Variants in SLC35F1 observed in about 807,000 individuals in gnomAD.
SLC35F1 encodes the protein solute carrier family 35 member F1.
In SLC35F1, 14 loss-of-function variants were observed where a neutral mutation model predicts 48.7. That is an observed-to-expected ratio of 0.29 (90% CI 0.19 to 0.45). The LOEUF (loss-of-function observed/expected upper bound fraction) is 0.45, where lower values mean the gene tolerates loss of function less well. SLC35F1 is among the 20% of genes least tolerant of loss of function. The pLI, the probability that SLC35F1 is intolerant of heterozygous loss-of-function variation, is 1.00. For missense variants in SLC35F1, 404 were observed against 500.0 expected (o/e 0.81, Z 1.83); for synonymous variants, 190 against 202.2 (o/e 0.94, Z 0.51).
At chr6:118,120,407 T>C (rs1479199579) in intron 1 of SLC35F1, among the ~76,000 whole-genome samples, 1 of 152,202 alleles carries the variant, frequency 6.6e-6, no homozygotes, top group Non-Finnish European at 1.5e-5. Flanking sequence ...TAGAAATACA[T>C]GTTGATGCAT....
intron 1 of SLC35F1, among the ~76,000 whole-genome samples, chr6:118,005,787 C>T (rs552156641): frequency 1.3e-5 from 2 of 152,242 alleles, no homozygotes; most frequent in East Asian, 1.9e-4. Flanking sequence ...CCTGACCCAC[C>T]GTCTGATACA....
At chr6:117,944,969 C>G (rs1326884103) in intron 1 of SLC35F1, among the ~76,000 whole-genome samples, 1 of 152,126 alleles carries the variant, frequency 6.6e-6, no homozygotes, top group African/African-American at 2.4e-5. Flanking sequence ...AACTGAGTGC[C>G]TGCTCTGTGC....
At chr6:118,201,987 T>G (rs1774878849) in intron 2 of SLC35F1, among the ~76,000 whole-genome samples, 1 of 152,250 alleles carries the variant, frequency 6.6e-6, no homozygotes, top group Non-Finnish European at 1.5e-5. Context: ...TATGGATATA[T>G]CCTATTGCAT....
chr6:117,911,672 C>T (rs1187354963), intron 1 of SLC35F1, among the ~76,000 whole-genome samples: 1 of 151,966 alleles, frequency 6.6e-6, no homozygotes, highest in Non-Finnish European at 1.5e-5. Context: ...CCTCAAACTC[C>T]AGGCCTCAAG....
At chr6:118,061,324 G>A (rs1204839831) in intron 1 of SLC35F1, among the ~76,000 whole-genome samples, 1 of 152,152 alleles carries the variant, frequency 6.6e-6, no homozygotes, top group Non-Finnish European at 1.5e-5. Context: ...CCTTCTGTTG[G>A]TTAGTTTTAG....
intron 1 of SLC35F1, among the ~76,000 whole-genome samples, chr6:118,048,819 C>G (rs1456817571): frequency 6.6e-6 from 1 of 152,156 alleles, no homozygotes; most frequent in African/African-American, 2.4e-5. Context: ...ATGCCATCCC[C>G]ATCAAGCTAC....
At chr6:117,951,801 C>G (rs1040740555) in intron 1 of SLC35F1, among the ~76,000 whole-genome samples, 1 of 152,142 alleles carries the variant, frequency 6.6e-6, no homozygotes, top group Non-Finnish European at 1.5e-5. Context: ...CTTTGCCAAA[C>G]AATGTCAATG....
intron 1 of SLC35F1, among the ~76,000 whole-genome samples, chr6:118,041,751 C>T (rs989160250): frequency 4.6e-5 from 7 of 152,060 alleles, no homozygotes; most frequent in African/African-American, 9.7e-5. Context: ...AATGGAAAAA[C>T]GCCCTGAGGC....
intron 2 of SLC35F1, among the ~76,000 whole-genome samples, chr6:118,234,371 C>A (rs547410414): frequency 1.7e-4 from 26 of 152,310 alleles, no homozygotes; most frequent in African/African-American, 4.8e-4. Flanking sequence ...TTCTCTCTCT[C>A]TCTCATTGTT....
chr6:118,308,402 C>T (rs1161847482), intron 7 of SLC35F1, among the ~76,000 whole-genome samples: 1 of 152,176 alleles, frequency 6.6e-6, no homozygotes, highest in Non-Finnish European at 1.5e-5. Flanking sequence ...GAATAATGTG[C>T]CTGTTGAAAT....
chr6:118,207,598 G>T (rs1291578702), intron 2 of SLC35F1, among the ~76,000 whole-genome samples: 2 of 152,170 alleles, frequency 1.3e-5, no homozygotes, highest in Non-Finnish European at 2.9e-5. Flanking sequence ...GTGCAGGGAT[G>T]GGGAGAGAAG....
chr6:117,917,832 T>G (rs530022609), intron 1 of SLC35F1, among the ~76,000 whole-genome samples: 36 of 151,272 alleles, frequency 2.4e-4, no homozygotes, highest in Admixed American at 2.0e-3. Flanking sequence ...CATGTGTAGA[T>G]AGAGAGAAAG....
At chr6:117,959,041 T>G (rs944947872) in intron 1 of SLC35F1, among the ~76,000 whole-genome samples, 7 of 152,192 alleles carry the variant, frequency 4.6e-5, no homozygotes, top group African/African-American at 1.7e-4. Flanking sequence ...TTGGTTTAGA[T>G]TCCAACTTCC....
chr6:118,022,378 G>A lies in SLC35F1; in HGVS notation c.173+114479G>A, dbSNP rs116243946. Among the ~76,000 whole-genome samples, 812 of 152,230 alleles carry A rather than the reference G, an allele frequency of 5.3e-3. 7 individuals carry two copies. Among genetic ancestry groups the A allele is most frequent in the African/African-American group, 0.018 (762 of 41,538 alleles). On this transcript the variant is annotated intron_variant, in intron 1 of 7. Coordinates refer to ENST00000360388, the MANE Select transcript of SLC35F1 (RefSeq NM_001029858.4). Reference sequence around the variant, plus strand: ...AATCAATATTAAGATGGTAAAACTCGGAAATGGATTTGATGTAGGGAAGGG... The same window carrying A: ...AATCAATATTAAGATGGTAAAACTCAGAAATGGATTTGATGTAGGGAAGGG...
At chr6:118,149,396 G>T (rs1226598701) in intron 1 of SLC35F1, among the ~76,000 whole-genome samples, 2 of 152,208 alleles carry the variant, frequency 1.3e-5, no homozygotes, top group African/African-American at 2.4e-5. Flanking sequence ...TCGCCAAATG[G>T]ATTTGTCCTG....
chr6:118,095,357 C>A (rs1392256579), intron 1 of SLC35F1, among the ~76,000 whole-genome samples: 4 of 152,166 alleles, frequency 2.6e-5, no homozygotes, highest in Non-Finnish European at 4.4e-5. Flanking sequence ...AGGCGTGTAA[C>A]CTCAGGCACA....
intron 4 of SLC35F1, among the ~76,000 whole-genome samples, chr6:118,273,573 T>C (rs1429725173): frequency 6.6e-6 from 1 of 152,194 alleles, no homozygotes; most frequent in East Asian, 1.9e-4. Flanking sequence ...TATGGGTCAT[T>C]CTTCAGAGGA....
chr6:118,165,274 A>G (rs1774301049), intron 2 of SLC35F1, among the ~76,000 whole-genome samples: 1 of 152,174 alleles, frequency 6.6e-6, no homozygotes, highest in African/African-American at 2.4e-5. Flanking sequence ...TGTGTTTTCT[A>G]GCTCTTCTCA....
chr6:118,190,504 T>C (rs529023777), intron 2 of SLC35F1, among the ~76,000 whole-genome samples: 3 of 152,076 alleles, frequency 2.0e-5, no homozygotes, highest in Admixed American at 6.6e-5. Context: ...TTAAAAAAAC[T>C]TGGGGCCTTA....
Sources: gnomAD v4.1 joint callset for allele counts (sites outside exome capture counted in the v4.1 genomes callset) on GRCh38, gnomAD v4.1.1 for gene constraint, MANE v1.5 for transcripts, NCBI Gene and HGNC (gene_info 2026-07-23, HGNC 2026-07-21) for gene names.